PLIN2: variants seen among roughly 807,000 people sequenced by gnomAD.
PLIN2 encodes perilipin 2.
In PLIN2, 33 loss-of-function variants were observed where a neutral mutation model predicts 30.6. That is an observed-to-expected ratio of 1.08 (90% confidence interval 0.82 to 1.44). The LOEUF (loss-of-function observed/expected upper bound fraction) is 1.44. PLIN2 is among the 40% of genes most tolerant of loss of function. The pLI, the probability that PLIN2 is intolerant of heterozygous loss-of-function variation, is 0.00. For missense variants in PLIN2, 610 were observed against 531.8 expected, an observed-to-expected ratio of 1.15 and a Z score of -1.45; for synonymous variants, 205 against 201.1, an observed-to-expected ratio of 1.02 and a Z score of -0.16.
downstream of PLIN2, among the ~76,000 whole-genome samples, chr9:19,115,063 T>G (rs1156960872): frequency 1.3e-5 from 2 of 152,194 alleles, no homozygotes; most frequent in Non-Finnish European, 2.9e-5. Context: ...CTTTACATGA[T>G]GCTGATTTAA....
rs369960006 is a variant in PLIN2, at chr9:19,126,187, C to G, written c.153G>C (p.Glu51Asp). Residue 51 changes from glutamate (E) to aspartate (D), a missense_variant, in exon 3 of 8, where the codon GAG becomes GAC. Transcript: ENST00000276914. ...PYLKSVCEMA[E>D]NGVKTITSVA... Reference sequence around the variant, plus strand: ...CGGAGGTGATGGTCTTCACACCGTTCTCTGCCATCTCACACACAGACTTCA... The same window carrying G: ...CGGAGGTGATGGTCTTCACACCGTTGTCTGCCATCTCACACACAGACTTCA... 2 of 1,614,034 alleles carry G rather than the reference C, an allele frequency of 1.2e-6. No homozygotes were observed. The highest frequency in any genetic ancestry group is 2.7e-5 in the African/African-American group (2 of 74,920).
chr9:19,124,523 T>G (rs1818367257), intron 3 of PLIN2, among the ~76,000 whole-genome samples: 1 of 152,154 alleles, frequency 6.6e-6, no homozygotes, highest in Non-Finnish European at 1.5e-5. Flanking sequence ...CTCTAAAGGC[T>G]CCTTATAATC....
chr9:19,118,219 G>C (rs1017252819), intron 7 of PLIN2, 102 bp downstream of exon 7: 2 of 1,169,254 alleles, frequency 1.7e-6, no homozygotes, highest in Non-Finnish European at 2.4e-6. Context: ...TCAACCTTTT[G>C]ATAGAGAAGA....
Position 19,120,919 on chromosome 9 carries a change from AC to A in PLIN2, c.555del (p.Leu186TrpfsTer2). On this transcript the variant is annotated frameshift_variant, in exon 5 of 8. Coordinates refer to ENST00000276914, the MANE Select transcript of PLIN2 (RefSeq NM_001122.4). LOFTEE classifies it high-confidence loss of function. ...GTGAGAGGGAGGTACTGTTCTACCAACAGCTCTGATTTGGTGAGTGCATTTT... is the reference window on the plus strand; with the variant it reads ...GTGAGAGGGAGGTACTGTTCTACCAAAGCTCTGATTTGGTGAGTGCATTTT... ...GVENALTKSE[L>X]LVEQYLPLTE... is the part of the protein sequence containing the mutation. The A allele has an allele frequency of 6.2e-7, 1 of 1,614,124 alleles. No homozygotes were observed. The highest frequency in any genetic ancestry group is 1.1e-5 in the South Asian group (1 of 91,086).
intron 4 of PLIN2, chr9:19,123,181 A>G: frequency 1.6e-6 from 1 of 613,280 alleles, no homozygotes; most frequent in Non-Finnish European, 2.8e-6. Flanking sequence ...CTGGCTAGCT[A>G]TCCCATATGG....
At chr9:19,126,780 G>A (rs1003037021) in intron 1 of PLIN2, among the ~76,000 whole-genome samples, 4 of 152,198 alleles carry the variant, frequency 2.6e-5, no homozygotes, top group Non-Finnish European at 4.4e-5. Context: ...GGTGGCTCAC[G>A]CCTGTAATCC....
chr9:19,121,543 A>C (rs1177304417), intron 4 of PLIN2, among the ~76,000 whole-genome samples: 2 of 151,874 alleles, frequency 1.3e-5, no homozygotes, highest in Non-Finnish European at 1.5e-5. Context: ...AAAGAAAAGA[A>C]GGTAAGTTAT....
intron 2 of PLIN2, among the ~76,000 whole-genome samples, chr9:19,109,978 C>G (rs1250310074): frequency 6.6e-6 from 1 of 151,478 alleles, no homozygotes; most frequent in African/African-American, 2.4e-5. Flanking sequence ...AAAAATCCCT[C>G]AAAAAATAGA....
chr9:19,113,408 GCT>G (rs774283408), downstream of PLIN2, among the ~76,000 whole-genome samples: 8 of 151,894 alleles, frequency 5.3e-5, no homozygotes, highest in East Asian at 5.8e-4. Flanking sequence ...GAGTGACTAG[GCT>G]CTGTCCTGGA....
chr9:19,113,830 AAT>A (rs1181836028), downstream of PLIN2, among the ~76,000 whole-genome samples: 1 of 148,486 alleles, frequency 6.7e-6, no homozygotes, highest in Non-Finnish European at 1.5e-5. Flanking sequence ...GCTGGAGTGC[AAT>A]GGCGCAATCT....
downstream of PLIN2, among the ~76,000 whole-genome samples, chr9:19,111,309 A>G (rs1274677713): frequency 6.6e-6 from 1 of 152,096 alleles, no homozygotes; most frequent in Admixed American, 6.6e-5. Context: ...CGGCCTCCCA[A>G]AGTGCTAGGA....
chr9:19,123,533 G>A, intron 4 of PLIN2, 32 bp downstream of exon 4: 1 of 1,614,106 alleles, frequency 6.2e-7, no homozygotes, highest in Non-Finnish European at 8.5e-7. Context: ...CATGTGAAGT[G>A]TCAAGTCTCA....
At chr9:19,120,777 G>T in intron 5 of PLIN2, 103 bp downstream of exon 5, 1 of 920,654 alleles carries the variant, frequency 1.1e-6, no homozygotes, top group Non-Finnish European at 1.7e-6. Flanking sequence ...AGTGATGCTT[G>T]CACAACTGTG....
At chr9:19,110,322 C>CTGGG (rs1818142399) in intron 2 of PLIN2, among the ~76,000 whole-genome samples, 1 of 152,054 alleles carries the variant, frequency 6.6e-6, no homozygotes. Flanking sequence ...GCCACTGCAC[C>CTGGG]CAGCCTGGAG....
In PLIN2 at chr9:19,123,620, T is replaced by C. The variant is rs1818352900; in HGVS notation, c.254A>G (p.Lys85Arg). ...QIAVANTYAC[K>R]GLDRIEERLP... Reference sequence around the variant, plus strand: ...TCTCTCCTCAATCCTGTCTAGCCCCTTACAGGCATAGGTATTGGCAACTGC... The same window carrying C: ...TCTCTCCTCAATCCTGTCTAGCCCCCTACAGGCATAGGTATTGGCAACTGC... The change falls in exon 4 of 8, where the codon AAG (lysine) becomes AGG (arginine). Residue 85 changes from lysine (K) to arginine (R), a missense_variant. Lys to Arg is a conservative substitution (Grantham distance 26). Transcript: ENST00000276914. 6.2e-7 allele frequency: 1 copy of C among 1,613,898 alleles called. No homozygotes were observed. The highest frequency in any genetic ancestry group is 8.5e-7 in the Non-Finnish European group (1 of 1,179,908).
chr9:19,117,319 C>T (rs1250295339), intron 7 of PLIN2, among the ~76,000 whole-genome samples: 1 of 152,132 alleles, frequency 6.6e-6, no homozygotes, highest in Non-Finnish European at 1.5e-5. Context: ...CACCACCACA[C>T]CCTGCTAATT....
At chr9:19,112,271 A>C (rs180777548), downstream of PLIN2, among the ~76,000 whole-genome samples, 111 of 152,348 alleles carry the variant, frequency 7.3e-4, no homozygotes, top group Non-Finnish European at 1.4e-3. Context: ...GGTTTCATGC[A>C]GTCAAATGTT....
At chr9:19,118,001 A>T (rs1268555632) in intron 7 of PLIN2, among the ~76,000 whole-genome samples, 2 of 152,220 alleles carry the variant, frequency 1.3e-5, no homozygotes, top group Non-Finnish European at 2.9e-5. Flanking sequence ...CTCTTCTGCA[A>T]GGAGCATTAA....
downstream of PLIN2, among the ~76,000 whole-genome samples, chr9:19,113,496 C>G (rs1818182329): frequency 1.3e-5 from 2 of 152,058 alleles, no homozygotes. Context: ...CTAGGGATTT[C>G]CCACCTACTC....
Sources: allele counts gnomAD v4.1 joint callset (sites outside exome capture counted in the v4.1 genomes callset), GRCh38; gene constraint gnomAD v4.1.1; transcripts MANE v1.5; gene names NCBI Gene and HGNC (gene_info 2026-07-23, HGNC 2026-07-21).